ARHGEF28: variants seen among roughly 807,000 people sequenced by gnomAD.
The protein encoded by ARHGEF28 is Rho guanine nucleotide exchange factor 28.
In ARHGEF28, 152 loss-of-function variants were observed where a neutral mutation model predicts 206.6. The ratio of observed to expected loss-of-function variants is 0.74; its 90% CI spans 0.64 to 0.84. The LOEUF (loss-of-function observed/expected upper bound fraction) is 0.84. Among genes scored for constraint, ARHGEF28 ranks in the 40% least tolerant of loss-of-function variants. The pLI is 0.00. For missense variants in ARHGEF28, 2,028 were observed against 2,073.2 expected (o/e 0.98, Z 0.42); for synonymous variants, 763 against 776.4 (o/e 0.98, Z 0.29).
At chr5:73,702,402 G>A (rs1056976702) in intron 2 of ARHGEF28, among the ~76,000 whole-genome samples, 2 of 152,098 alleles carry the variant, frequency 1.3e-5, no homozygotes, top group East Asian at 1.9e-4. Context: ...GCTGAAACTC[G>A]GTATCCTCTG....
At chr5:73,832,239 T>A in intron 9 of ARHGEF28, 99 bp from the exon 10 acceptor site, 3 of 1,397,202 alleles carry the variant, frequency 2.1e-6, no homozygotes, top group Non-Finnish European at 2.9e-6. Flanking sequence ...TCTTAAAAAA[T>A]GCACTTGACT....
At chr5:73,904,037 T>C (rs1252212042) in intron 31 of ARHGEF28, 185 bp from the exon 32 acceptor site, 1 of 605,428 alleles carries the variant, frequency 1.7e-6, no homozygotes, top group Non-Finnish European at 2.9e-6. Context: ...GACGCTCTTG[T>C]TGTCAAGTGT....
At chr5:73,773,355 C>A (rs748400708) in intron 4 of ARHGEF28, among the ~76,000 whole-genome samples, 1 of 152,130 alleles carries the variant, frequency 6.6e-6, no homozygotes, top group Non-Finnish European at 1.5e-5. Context: ...TTGAGAATGA[C>A]CCATATGAAG....
chr5:73,918,113 C>T (rs566369035), intron 35 of ARHGEF28, among the ~76,000 whole-genome samples: 1 of 152,148 alleles, frequency 6.6e-6, no homozygotes. Flanking sequence ...GTGGAATGTT[C>T]GGCTGAGTAC....
intron 9 of ARHGEF28, among the ~76,000 whole-genome samples, chr5:73,823,631 G>C (rs1386135267): frequency 1.3e-5 from 2 of 152,130 alleles, no homozygotes; most frequent in Non-Finnish European, 2.9e-5. Flanking sequence ...AACTGCCAGG[G>C]GTGAATAGGA....
At chr5:73,886,174 A>C (rs1159320494) in intron 25 of ARHGEF28, 70 bp downstream of exon 25, 1 of 1,517,084 alleles carries the variant, frequency 6.6e-7, no homozygotes, top group African/African-American at 1.4e-5. Context: ...ACAGATTTTC[A>C]AAAGAAAAAC....
chr5:73,680,867 T>G (rs932417626), intron 1 of ARHGEF28, among the ~76,000 whole-genome samples: 1 of 151,978 alleles, frequency 6.6e-6, no homozygotes, highest in African/African-American at 2.4e-5. Flanking sequence ...AGAAATTCCT[T>G]TTATCTTTTT....
chr5:73,757,780 A>C (rs993074063), intron 4 of ARHGEF28, among the ~76,000 whole-genome samples: 18 of 152,328 alleles, frequency 1.2e-4, no homozygotes, highest in African/African-American at 3.8e-4. Context: ...AGCATTCATA[A>C]TAGTGCCTTG....
At chr5:73,719,696 T>G (rs1749812987) in intron 2 of ARHGEF28, among the ~76,000 whole-genome samples, 1 of 152,248 alleles carries the variant, frequency 6.6e-6, no homozygotes, top group African/African-American at 2.4e-5. Context: ...TCAAATGTGT[T>G]ATAGTAGATG....
chr5:73,901,431 TCTAA>T (rs1762267002), intron 31 of ARHGEF28, 147 bp downstream of exon 31: 1 of 594,328 alleles, frequency 1.7e-6, no homozygotes, highest in Non-Finnish European at 2.9e-6. Context: ...ATTTAAACTT[TCTAA>T]CTTATTTCTT....
chr5:73,631,142 GCTGA>G (rs1440834604), intron 1 of ARHGEF28, among the ~76,000 whole-genome samples: 2 of 152,292 alleles, frequency 1.3e-5, no homozygotes, highest in Non-Finnish European at 2.9e-5. Context: ...AGACAAGTGG[GCTGA>G]CTGTTTAATT....
At chr5:73,769,713 A>C (rs531187545) in intron 4 of ARHGEF28, among the ~76,000 whole-genome samples, 1 of 152,342 alleles carries the variant, frequency 6.6e-6, no homozygotes, top group Admixed American at 6.5e-5. Flanking sequence ...TGACTTTATT[A>C]GATAATGTTG....
At chr5:73,803,432 A>G (rs1361985206) in intron 9 of ARHGEF28, 1 of 154,094 alleles carries the variant, frequency 6.5e-6, no homozygotes, top group African/African-American at 2.4e-5. Flanking sequence ...GGTCCTCCAG[A>G]TGCCTGTGGC....
intron 35 of ARHGEF28, among the ~76,000 whole-genome samples, chr5:73,918,963 C>T (rs988418478): frequency 1.3e-5 from 2 of 152,160 alleles, no homozygotes; most frequent in Non-Finnish European, 2.9e-5. Context: ...ACGCATGTCC[C>T]CGGATTGCTG....
chr5:73,762,566 T>C (rs1561386343), intron 4 of ARHGEF28, among the ~76,000 whole-genome samples: 1 of 152,078 alleles, frequency 6.6e-6, no homozygotes, highest in South Asian at 2.1e-4. Flanking sequence ...CAGTTTATAA[T>C]AGGAGATACA....
intron 1 of ARHGEF28, among the ~76,000 whole-genome samples, chr5:73,671,949 G>A (rs998697638): frequency 3.3e-5 from 5 of 151,144 alleles, no homozygotes; most frequent in Non-Finnish European, 5.9e-5. Flanking sequence ...TAGAGATGGG[G>A]TTTCACTATG....
At chr5:73,845,804 G>A (rs558736637) in intron 11 of ARHGEF28, among the ~76,000 whole-genome samples, 2 of 151,828 alleles carry the variant, frequency 1.3e-5, no homozygotes, top group South Asian at 4.2e-4. Flanking sequence ...AGACCAGCCT[G>A]GGCAACATGG....
intron 9 of ARHGEF28, among the ~76,000 whole-genome samples, chr5:73,830,108 G>A (rs1483712948): frequency 2.0e-5 from 3 of 152,170 alleles, no homozygotes; most frequent in Admixed American, 1.3e-4. Context: ...GCAGCAAAAT[G>A]TATGACATTG....
intron 1 of ARHGEF28, among the ~76,000 whole-genome samples, chr5:73,644,536 T>G (rs1442510045): frequency 6.6e-6 from 1 of 152,208 alleles, no homozygotes; most frequent in East Asian, 1.9e-4. Context: ...CCTGATAATC[T>G]TCAGTCCTCA....
Sources: allele counts gnomAD v4.1 joint callset (sites outside exome capture counted in the v4.1 genomes callset), GRCh38; gene constraint gnomAD v4.1.1; transcripts MANE v1.5; gene names NCBI Gene and HGNC (gene_info 2026-07-23, HGNC 2026-07-21).